The following HSD17B2 variants were observed in gnomAD, a reference collection of about 807,000 sequenced individuals.
HSD17B2 encodes 17-beta-hydroxysteroid dehydrogenase type 2.
HSD17B2 carries 32 observed loss-of-function variants against 26.9 expected under a neutral mutation model. That is an observed-to-expected ratio of 1.19 (90% confidence interval 0.90 to 1.60). HSD17B2 has a LOEUF of 1.60. Ranked by LOEUF, HSD17B2 falls within the 40% of genes most tolerant of loss-of-function variation. HSD17B2 has a pLI of 0.00. For missense variants in HSD17B2, 613 were observed against 468.6 expected (o/e 1.31, Z -2.85); for synonymous variants, 246 against 186.7 (o/e 1.32, Z -2.59).
intron 1 of HSD17B2, among the ~76,000 whole-genome samples, chr16:82,065,273 C>A (rs1255253105): frequency 1.3e-5 from 2 of 152,188 alleles, no homozygotes; most frequent in Non-Finnish European, 2.9e-5. Context: ...TGGTCAGCAG[C>A]TCTAAGTGGG....
At chr16:82,062,494 T>C (rs1380802316) in intron 1 of HSD17B2, among the ~76,000 whole-genome samples, 2 of 152,248 alleles carry the variant, frequency 1.3e-5, no homozygotes, top group Non-Finnish European at 2.9e-5. Flanking sequence ...CACTATGGGC[T>C]AAGCCTTGTG....
At chr16:82,038,442 C>T (rs1174206922) in intron 1 of HSD17B2, among the ~76,000 whole-genome samples, 3 of 152,114 alleles carry the variant, frequency 2.0e-5, no homozygotes, top group African/African-American at 7.2e-5. Context: ...CTCTGCCTCC[C>T]GGGTTCAAGT....
rs556190403 is a variant in HSD17B2 at position 82,088,368 on chromosome 16, TA to T, written c.665-2532del. On this transcript the variant is annotated intron_variant, in intron 3 of 4. Transcript: ENST00000199936. ...GCACTATTCTAATATATTATTAATT[TA>T]ACTTTCGCAACGATCCTATGATGCA... Among the ~76,000 whole-genome samples, 188 of 152,318 alleles carry T rather than the reference TA, an allele frequency of 1.2e-3. 1 individual carries two copies. The highest frequency in any genetic ancestry group is 4.3e-3 in the African/African-American group (178 of 41,572).
At chr16:82,043,244 TG>T (rs1176702776) in intron 1 of HSD17B2, among the ~76,000 whole-genome samples, 4 of 152,098 alleles carry the variant, frequency 2.6e-5, no homozygotes, top group African/African-American at 9.7e-5. Context: ...AAGTGCAATG[TG>T]GGGACTGGGG....
intron 1 of HSD17B2, chr16:82,044,386 G>A (rs942866995): frequency 1.3e-5 from 2 of 152,218 alleles, no homozygotes; most frequent in Admixed American, 1.3e-4. Flanking sequence ...CGGGTCTTAG[G>A]CATGTGGTAA....
chr16:82,068,103 C>A (rs1414692612), intron 1 of HSD17B2, 67 bp from the exon 2 acceptor site: 6 of 1,333,658 alleles, frequency 4.5e-6, no homozygotes, highest in Non-Finnish European at 1.1e-6. Flanking sequence ...AATATGTTTT[C>A]CTTGTTAAAT....
At chr16:82,045,181 C>T (rs531893480) in intron 1 of HSD17B2, among the ~76,000 whole-genome samples, 22 of 149,878 alleles carry the variant, frequency 1.5e-4, no homozygotes, top group African/African-American at 4.7e-4. Context: ...CTCTGAATAG[C>T]GGATGCTGTG....
chr16:82,098,164 G>T lies in HSD17B2; in HGVS notation c.892G>T (p.Asp298Tyr). The T allele has an allele frequency of 6.2e-7, 1 of 1,614,076 alleles. No homozygotes were observed. The highest frequency in any genetic ancestry group is 8.5e-7 in the Non-Finnish European group (1 of 1,180,002). Residue 298 changes from aspartate to tyrosine, a missense_variant, in exon 5 of 5, where the codon GAC (aspartate) becomes TAC (tyrosine). Asp to Tyr is a radical substitution (Grantham distance 160). Transcript: ENST00000199936. Reference protein sequence around the residue: ...PAEVQEDYGQDYILAQRNFLL... With the variant: ...PAEVQEDYGQYYILAQRNFLL... ...TGAGGTACAGGAAGACTACGGCCAG[G>T]ACTACATCTTAGCACAGCGGAATTT...
intron 1 of HSD17B2, among the ~76,000 whole-genome samples, chr16:82,059,790 G>A (rs1041620447): frequency 3.3e-5 from 5 of 152,138 alleles, no homozygotes; most frequent in Admixed American, 2.0e-4. Context: ...CCACATTCCC[G>A]TTGTGTAGCT....
At chr16:82,071,260 C>G (rs532051207) in intron 3 of HSD17B2, 133 bp downstream of exon 3, 2 of 809,884 alleles carry the variant, frequency 2.5e-6, no homozygotes, top group South Asian at 1.4e-5. Context: ...ATTGTATATA[C>G]CCTGTTGGTC....
Position 82,098,503 on chromosome 16 carries a change from G to T in HSD17B2, c.*67G>T, listed in dbSNP as rs1241605540. 3.4e-6 allele frequency: 5 copies of T among 1,487,498 alleles called. No individual in the cohort carries two copies. Among genetic ancestry groups the T allele is most frequent in the East Asian group, 4.5e-5 (2 of 43,990 alleles). 92.1% of individuals were successfully genotyped at this position (1,487,498 alleles called of 1,614,324 possible). ...AAATGAAAGGGAAACTGGGAAACTG[G>T]GTTTCTCATTAAAGTTGTTTCCCAC... On this transcript the variant is annotated 3_prime_UTR_variant, in exon 5 of 5. Transcript: ENST00000199936.
At chr16:82,095,214 G>A (rs903158177) in intron 4 of HSD17B2, 8 of 152,220 alleles carry the variant, frequency 5.3e-5, no homozygotes, top group East Asian at 1.9e-4. Context: ...AGGAATAGTA[G>A]CTCACGAAAA....
chr16:82,083,553 T>C (rs1487488894), intron 3 of HSD17B2, among the ~76,000 whole-genome samples: 1 of 152,142 alleles, frequency 6.6e-6, no homozygotes, highest in African/African-American at 2.4e-5. Context: ...TGTTTAAGCA[T>C]CAGTCTTGTG....
intron 3 of HSD17B2, among the ~76,000 whole-genome samples, chr16:82,085,026 A>G (rs1207847795): frequency 6.6e-6 from 1 of 152,232 alleles, no homozygotes; most frequent in Non-Finnish European, 1.5e-5. Context: ...GGCCGTCCCA[A>G]GCTATTTAAA....
At chr16:82,087,617 T>C (rs1443281928) in intron 3 of HSD17B2, among the ~76,000 whole-genome samples, 5 of 152,232 alleles carry the variant, frequency 3.3e-5, no homozygotes, top group Non-Finnish European at 5.9e-5. Flanking sequence ...ATTGTCAATG[T>C]GGTATATGAT....
At chr16:82,093,060 G>A (rs1345989133) in intron 4 of HSD17B2, 1 of 152,106 alleles carries the variant, frequency 6.6e-6, no homozygotes, top group Non-Finnish European at 1.5e-5. Flanking sequence ...CTTTACTGAT[G>A]TTGATCTTAA....
chr16:82,085,471 A>T (rs1904499883), intron 3 of HSD17B2, among the ~76,000 whole-genome samples: 1 of 152,200 alleles, frequency 6.6e-6, no homozygotes, highest in African/African-American at 2.4e-5. Flanking sequence ...GTAACTGGTA[A>T]GTGATAAAGT....
chr16:82,064,621 T>TG (rs1743625693), intron 1 of HSD17B2, among the ~76,000 whole-genome samples: 1 of 152,150 alleles, frequency 6.6e-6, no homozygotes, highest in Admixed American at 6.5e-5. Context: ...CTGCAGTAAG[T>TG]GAAAAAGATG....
chr16:82,090,555 G>A (rs1904662057), intron 3 of HSD17B2, among the ~76,000 whole-genome samples: 1 of 151,998 alleles, frequency 6.6e-6, no homozygotes, highest in Admixed American at 6.6e-5. Context: ...CTGACCTCAG[G>A]TGATCTGCCC....
Sources: gnomAD v4.1 joint callset for allele counts (sites outside exome capture counted in the v4.1 genomes callset) on GRCh38, gnomAD v4.1.1 for gene constraint, MANE v1.5 for transcripts, NCBI Gene and HGNC (gene_info 2026-07-23, HGNC 2026-07-21) for gene names.